XIRP2: variants seen among roughly 807,000 people sequenced by gnomAD.
XIRP2 encodes xin actin-binding repeat-containing protein 2.
XIRP2 carries 236 observed loss-of-function variants against 277.0 expected under a neutral mutation model. The ratio of observed to expected loss-of-function variants is 0.85; its 90% CI spans 0.77 to 0.95. The LOEUF (loss-of-function observed/expected upper bound fraction) is 0.95, where lower values mean the gene tolerates loss of function less well. XIRP2 is among the 40% of genes least tolerant of loss of function. XIRP2 has a pLI of 0.00. For synonymous variants in XIRP2, 1,490 were observed against 1,416.5 expected (o/e 1.05, Z -1.17); for missense variants, 4,640 against 4,157.5 (o/e 1.12, Z -3.19).
At position 166,917,220 on chromosome 2, in the gene XIRP2, A is replaced by T. The variant is rs77703318; in HGVS notation, c.408+13330A>T. 1.3e-3 allele frequency among the ~76,000 whole-genome samples: 200 copies of T among 152,286 alleles called. 4 individuals carry two copies. Among genetic ancestry groups the T allele is most frequent in the African/African-American group, 4.6e-3 (192 of 41,576 alleles). On this transcript the variant is annotated intron_variant, in intron 2 of 10. Coordinates refer to ENST00000409195, the MANE Select transcript of XIRP2 (RefSeq NM_152381.6). ...AGAGGTCCCACTGAGAAGAGCCCTCACTGAGTAATCTTTTAACATAAGTTA... is the reference window on the plus strand; with the variant it reads ...AGAGGTCCCACTGAGAAGAGCCCTCTCTGAGTAATCTTTTAACATAAGTTA...
At chr2:167,189,855 C>T (rs1393834985) in intron 3 of XIRP2, among the ~76,000 whole-genome samples, 2 of 152,160 alleles carry the variant, frequency 1.3e-5, no homozygotes, top group Non-Finnish European at 2.9e-5. Flanking sequence ...AGGTTGAAGG[C>T]TCAGTCCCAT....
chr2:166,892,369 G>A (rs1205443337), intron 1 of XIRP2, among the ~76,000 whole-genome samples: 3 of 152,160 alleles, frequency 2.0e-5, no homozygotes, highest in Non-Finnish European at 4.4e-5. Flanking sequence ...GGGAAACAGA[G>A]CAGGTAGAAA....
At chr2:167,181,634 T>C (rs1348496897) in intron 3 of XIRP2, among the ~76,000 whole-genome samples, 1 of 152,186 alleles carries the variant, frequency 6.6e-6, no homozygotes, top group African/African-American at 2.4e-5. Context: ...CTTACCTTTT[T>C]TCCTCCAGAA....
chr2:166,935,468 G>GTTTGTTACA (rs139341393), intron 2 of XIRP2, among the ~76,000 whole-genome samples: 45,301 of 151,772 alleles, frequency 0.3, 7,496 homozygotes, highest in East Asian at 0.52. Flanking sequence ...CAACGTGCAC[G>GTTTGTTACA]TTTGTTACAT....
chr2:167,037,516 GGGGTGTGTGTGTGT>G (rs1046822286), intron 2 of XIRP2, among the ~76,000 whole-genome samples: 17 of 109,072 alleles, frequency 1.6e-4, no homozygotes, highest in African/African-American at 3.0e-4. Context: ...TTTCATGTGG[GGGGTGTGTGTGTGT>G]GTGTGTGTGT....
At position 167,250,686 on chromosome 2, in the gene XIRP2, C is replaced by T. The variant is rs1695459498; in HGVS notation, c.9294C>T (p.Thr3098=). Residue 3098 remains threonine, a synonymous_variant, in exon 9 of 11, where the codon ACC becomes ACT. Coordinates refer to ENST00000409195, the MANE Select transcript of XIRP2 (RefSeq NM_152381.6). The part of the protein sequence containing the change: ...HEATVRSHVK[T]HQEIKLDDSN... ...CAACTGTTCGTAGTCACGTGAAAAC[C>T]CATCAGGAAATTAAACTTGATGATA... is the stretch of plus-strand genomic sequence containing the variant. The T allele has an allele frequency of 1.2e-6, 2 of 1,613,374 alleles. No individual in the cohort carries two copies. The highest frequency in any genetic ancestry group is 1.3e-5 in the African/African-American group (1 of 74,768).
intron 2 of XIRP2, among the ~76,000 whole-genome samples, chr2:167,114,179 T>G (rs2105297711): frequency 6.6e-6 from 1 of 152,308 alleles, no homozygotes; most frequent in African/African-American, 2.4e-5. Flanking sequence ...ACCTCTCTAG[T>G]AAGCTTGGGG....
intron 3 of XIRP2, among the ~76,000 whole-genome samples, chr2:167,190,210 G>T (rs1381355935): frequency 2.0e-5 from 3 of 152,128 alleles, no homozygotes; most frequent in Admixed American, 2.0e-4. Context: ...TGTTATGGCG[G>T]CTTCATTACA....
At chr2:167,135,867 C>T in intron 2 of XIRP2, 42 bp from the exon 3 acceptor site, 4 of 1,512,370 alleles carry the variant, frequency 2.6e-6, no homozygotes, top group East Asian at 2.4e-5. Context: ...CTGTTTCCTA[C>T]TGATAGCTTT....
At chr2:166,945,202 T>G (rs183799129) in intron 2 of XIRP2, among the ~76,000 whole-genome samples, 4 of 152,278 alleles carry the variant, frequency 2.6e-5, no homozygotes, top group Non-Finnish European at 4.4e-5. Context: ...GTAAGGAGTA[T>G]GAGAAAGTCT....
chr2:167,034,857 G>A (rs1244120118), intron 2 of XIRP2, among the ~76,000 whole-genome samples: 1 of 152,164 alleles, frequency 6.6e-6, no homozygotes, highest in Non-Finnish European at 1.5e-5. Flanking sequence ...ATCTCAACTT[G>A]AATTGTAGTT....
At chr2:167,194,753 A>G (rs1693450830) in intron 3 of XIRP2, among the ~76,000 whole-genome samples, 1 of 152,096 alleles carries the variant, frequency 6.6e-6, no homozygotes, top group East Asian at 1.9e-4. Context: ...GCAAATTACC[A>G]ACTCTGTGCC....
intron 2 of XIRP2, among the ~76,000 whole-genome samples, chr2:167,098,761 T>G (rs1282872603): frequency 6.6e-6 from 1 of 152,218 alleles, no homozygotes; most frequent in East Asian, 1.9e-4. Flanking sequence ...GTGATGCTAT[T>G]GCTTTCTGTT....
At chr2:167,091,044 C>T (rs1472462504) in intron 2 of XIRP2, among the ~76,000 whole-genome samples, 3 of 152,088 alleles carry the variant, frequency 2.0e-5, no homozygotes, top group Non-Finnish European at 4.4e-5. Flanking sequence ...AGAGAGCATT[C>T]TATTGTTGGT....
intron 2 of XIRP2, among the ~76,000 whole-genome samples, chr2:167,118,651 G>T (rs1690967195): frequency 6.6e-6 from 1 of 152,034 alleles, no homozygotes; most frequent in Non-Finnish European, 1.5e-5. Flanking sequence ...ATTGGACAGA[G>T]ACCAGACCAT....
intron 3 of XIRP2, among the ~76,000 whole-genome samples, chr2:167,158,937 A>G (rs1574307973): frequency 6.6e-6 from 1 of 152,174 alleles, no homozygotes; most frequent in African/African-American, 2.4e-5. Context: ...ATACAGAAAT[A>G]GCAGATATAA....
At chr2:166,921,872 C>G (rs558608240) in intron 2 of XIRP2, among the ~76,000 whole-genome samples, 10 of 152,268 alleles carry the variant, frequency 6.6e-5, no homozygotes, top group African/African-American at 2.4e-4. Context: ...TTGTCCCTTG[C>G]ATATGGTCAG....
chr2:167,181,078 C>G (rs1692994203), intron 3 of XIRP2, among the ~76,000 whole-genome samples: 1 of 152,172 alleles, frequency 6.6e-6, no homozygotes, highest in African/African-American at 2.4e-5. Context: ...TTCTCTAAAG[C>G]ATTGTTCCCT....
At chr2:166,898,302 G>A (rs545385812) in intron 1 of XIRP2, among the ~76,000 whole-genome samples, 1 of 152,224 alleles carries the variant, frequency 6.6e-6, no homozygotes, top group East Asian at 1.9e-4. Flanking sequence ...GAACTGAGAG[G>A]TCGTAGATTA....
Sources: gnomAD v4.1 joint callset for allele counts (sites outside exome capture counted in the v4.1 genomes callset) on GRCh38, gnomAD v4.1.1 for gene constraint, MANE v1.5 for transcripts, NCBI Gene and HGNC (gene_info 2026-07-23, HGNC 2026-07-21) for gene names.